RGS7: variants seen among roughly 807,000 people sequenced by gnomAD.
RGS7 encodes the protein regulator of G-protein signaling 7.
RGS7 carries 27 observed loss-of-function variants against 81.1 expected under a neutral mutation model. That is an observed-to-expected ratio of 0.33 (90% confidence interval 0.25 to 0.46). RGS7 has a LOEUF of 0.46. RGS7 is among the 20% of genes least tolerant of loss of function. RGS7 has a pLI of 1.00. For missense variants in RGS7, 396 were observed against 607.4 expected, an observed-to-expected ratio of 0.65 and a Z score of 3.66; for synonymous variants, 208 against 207.7, an observed-to-expected ratio of 1.00 and a Z score of -0.01.
At chr1:241,103,810 G>C (rs1007961298) in intron 2 of RGS7, among the ~76,000 whole-genome samples, 1 of 152,188 alleles carries the variant, frequency 6.6e-6, no homozygotes, top group African/African-American at 2.4e-5. Flanking sequence ...GAAGGTCAAG[G>C]CTGCAGTGAG....
chr1:240,877,574 G>A (rs1479952921), intron 6 of RGS7, among the ~76,000 whole-genome samples: 1 of 151,960 alleles, frequency 6.6e-6, no homozygotes, highest in Non-Finnish European at 1.5e-5. Context: ...ATAAGTGCTG[G>A]TCTATAATAT....
At chr1:240,839,862 T>C (rs985513289) in intron 9 of RGS7, among the ~76,000 whole-genome samples, 25 of 152,312 alleles carry the variant, frequency 1.6e-4, no homozygotes, top group African/African-American at 5.5e-4. Context: ...TTTCTGCCTT[T>C]CAGTGAGTGC....
chr1:241,355,127 T>A (rs1318974740), intron 2 of RGS7, among the ~76,000 whole-genome samples: 1 of 152,158 alleles, frequency 6.6e-6, no homozygotes, highest in Admixed American at 6.5e-5. Context: ...CATACGGCAC[T>A]AGAATATAAA....
chr1:240,831,568 G>A (rs1029775892), intron 9 of RGS7, among the ~76,000 whole-genome samples: 3 of 151,360 alleles, frequency 2.0e-5, no homozygotes, highest in Non-Finnish European at 4.4e-5. Context: ...GAATATGGGA[G>A]CATAATGACT....
chr1:240,842,199 A>ATTTTTGTTTTTTTTTTTTTT (rs1658155090), intron 9 of RGS7, among the ~76,000 whole-genome samples: 1 of 78,676 alleles, frequency 1.3e-5, no homozygotes, highest in Non-Finnish European at 2.5e-5. Flanking sequence ...TTTGTCAGGA[A>ATTTTTGTTTTTTTTTTTTTT]TTTTTTTTTT....
chr1:240,785,218 A>T (rs1316032130), intron 18 of RGS7, among the ~76,000 whole-genome samples: 2 of 151,824 alleles, frequency 1.3e-5, no homozygotes, highest in African/African-American at 4.8e-5. Flanking sequence ...GGCCTTTCAG[A>T]CTCTTTACTG....
At chr1:241,141,491 G>C (rs76472108) in intron 2 of RGS7, among the ~76,000 whole-genome samples, 2,394 of 152,300 alleles carry the variant, frequency 0.016, 31 homozygotes, top group Non-Finnish European at 0.023. Context: ...GTTCTGCATT[G>C]CTTGGGAGGC....
chr1:240,981,313 T>G (rs4660019), intron 4 of RGS7, among the ~76,000 whole-genome samples: 54,240 of 151,930 alleles, frequency 0.36, 10,077 homozygotes, highest in Middle Eastern at 0.43. Context: ...TTTTTCACCG[T>G]ATTGGCCAGG....
intron 2 of RGS7, among the ~76,000 whole-genome samples, chr1:241,143,333 C>T (rs376853008): frequency 6.6e-6 from 1 of 152,096 alleles, no homozygotes; most frequent in Non-Finnish European, 1.5e-5. Flanking sequence ...TTCATGCTGC[C>T]GATAATGACA....
chr1:240,882,398 T>G (rs1407133414), intron 6 of RGS7, among the ~76,000 whole-genome samples: 1 of 152,218 alleles, frequency 6.6e-6, no homozygotes, highest in Non-Finnish European at 1.5e-5. Flanking sequence ...CTACTTACAA[T>G]TCTGCTCTAT....
chr1:241,129,889 A>C (rs4660030), intron 2 of RGS7, among the ~76,000 whole-genome samples: 14,556 of 152,204 alleles, frequency 0.096, 882 homozygotes, highest in East Asian at 0.17. Context: ...AATCAACCAA[A>C]GTGCATCTGA....
At chr1:240,796,200 T>G (rs956551609) in intron 18 of RGS7, among the ~76,000 whole-genome samples, 3 of 152,232 alleles carry the variant, frequency 2.0e-5, no homozygotes, top group African/African-American at 7.2e-5. Context: ...TTACCACTTA[T>G]ATATAATCTG....
intron 3 of RGS7, among the ~76,000 whole-genome samples, chr1:241,094,758 G>C (rs185552542): frequency 6.6e-6 from 1 of 152,328 alleles, no homozygotes; most frequent in African/African-American, 2.4e-5. Flanking sequence ...TCTGGGTCTG[G>C]ATTGCAGATG....
At chr1:241,190,957 T>C (rs904992322) in intron 2 of RGS7, among the ~76,000 whole-genome samples, 9 of 152,148 alleles carry the variant, frequency 5.9e-5, no homozygotes, top group African/African-American at 2.2e-4. Flanking sequence ...AGATGTTCTT[T>C]ATCACGTTGT....
At chr1:241,236,660 G>A (rs2075995487) in intron 2 of RGS7, among the ~76,000 whole-genome samples, 1 of 152,246 alleles carries the variant, frequency 6.6e-6, no homozygotes, top group African/African-American at 2.4e-5. Context: ...AAGATTCTAG[G>A]ACAAATCAAA....
chr1:240,834,127 T>A (rs1279048633), intron 9 of RGS7, among the ~76,000 whole-genome samples: 2 of 152,188 alleles, frequency 1.3e-5, no homozygotes, highest in Non-Finnish European at 2.9e-5. Context: ...CTTTTCTTCA[T>A]TTTCTTAGGC....
chr1:240,814,817 C>T (rs1313340698), intron 11 of RGS7, 40 bp from the exon 12 acceptor site: 2 of 1,262,998 alleles, frequency 1.6e-6, no homozygotes, highest in Middle Eastern at 1.8e-4. Context: ...TAAGTAATGA[C>T]ATTTTCACAA....
intron 3 of RGS7, among the ~76,000 whole-genome samples, chr1:241,005,825 G>A (rs978789699): frequency 6.6e-5 from 10 of 152,128 alleles, no homozygotes; most frequent in African/African-American, 2.2e-4. Flanking sequence ...GTGAGCCACC[G>A]CGCCCGGCCA....
rs151155126 is a variant in RGS7, at chr1:241,105,302, T to C, written c.79-6540A>G. Among the ~76,000 whole-genome samples the C allele has an allele frequency of 2.9e-3, 445 of 152,306 alleles. 6 individuals are homozygous for C. The highest frequency in any genetic ancestry group is 9.5e-3 in the African/African-American group (396 of 41,576). ...CTTGTAGATGTGACACTCAAGTTCA[T>C]TGCCATGTGTAAGCCCTCAAGATGA... On this transcript the variant is annotated intron_variant, in intron 2 of 18. Transcript: ENST00000440928.
Sources: allele counts gnomAD v4.1 joint callset (sites outside exome capture counted in the v4.1 genomes callset), GRCh38; gene constraint gnomAD v4.1.1; transcripts MANE v1.5; gene names NCBI Gene and HGNC (gene_info 2026-07-23, HGNC 2026-07-21).